VPS50: variants seen among roughly 807,000 people sequenced by gnomAD.
VPS50 encodes VPS50 subunit of EARP/GARPII complex.
In VPS50, 70 loss-of-function variants were observed where a neutral mutation model predicts 139.7. The observed-to-expected ratio is 0.50, with a 90% confidence interval of 0.41 to 0.61. The LOEUF (loss-of-function observed/expected upper bound fraction) is 0.61. Among genes scored for constraint, VPS50 ranks in the 20% least tolerant of loss-of-function variants. The pLI is 0.00. For missense variants in VPS50, 921 were observed against 1,133.7 expected (o/e 0.81, Z 2.69); for synonymous variants, 365 against 376.7 (o/e 0.97, Z 0.36).
At chr7:93,265,079 GC>G (rs1214939492) in intron 9 of VPS50, among the ~76,000 whole-genome samples, 2 of 152,140 alleles carry the variant, frequency 1.3e-5, no homozygotes, top group African/African-American at 4.8e-5. Flanking sequence ...TTTTCTTTCT[GC>G]CCCATTCACC....
intron 23 of VPS50, among the ~76,000 whole-genome samples, chr7:93,344,342 T>C (rs1297076863): frequency 4.6e-5 from 7 of 152,004 alleles, no homozygotes; most frequent in Non-Finnish European, 1.0e-4. Context: ...AAGTCCTGAG[T>C]GACCTACAAA....
At chr7:93,240,260 C>T (rs1012554915) in intron 2 of VPS50, among the ~76,000 whole-genome samples, 5 of 151,560 alleles carry the variant, frequency 3.3e-5, no homozygotes, top group African/African-American at 1.2e-4. Flanking sequence ...CTCTCTCTCT[C>T]TCTCTCTCTC....
chr7:93,270,950 A>T (rs1350166875), intron 9 of VPS50: 1 of 308,934 alleles, frequency 3.2e-6, no homozygotes, highest in African/African-American at 2.2e-5. Flanking sequence ...TTTATGTAAA[A>T]GTTACCAATT....
chr7:93,280,414 A>C (rs570042137), intron 12 of VPS50, among the ~76,000 whole-genome samples: 7 of 152,254 alleles, frequency 4.6e-5, no homozygotes, highest in Non-Finnish European at 1.0e-4. Context: ...ATGAAAATTC[A>C]TCATACTTCA....
In VPS50 at chr7:93,360,335, T is replaced by C. The variant is rs1233406072; in HGVS notation, c.*1899T>C. 6.6e-6 allele frequency: 1 copy of C among 152,008 alleles called. No homozygotes were observed. Among genetic ancestry groups the C allele is most frequent in the African/African-American group, 2.4e-5 (1 of 41,404 alleles). 9.4% of individuals were successfully genotyped at this position (152,008 alleles called of 1,614,324 possible). A position where few individuals can be genotyped will look rare whatever the true frequency, so the allele number is the denominator to read the frequency against. ...CGACCATGCAATCTGACAGACCTTT[T>C]AACCTACCCTTACTTTGCTTTCTCC... On this transcript the variant is annotated 3_prime_UTR_variant, in exon 28 of 28. Transcript: ENST00000305866.
chr7:93,260,123 A>T (rs970493038), intron 9 of VPS50, among the ~76,000 whole-genome samples: 1 of 152,208 alleles, frequency 6.6e-6, no homozygotes, highest in Non-Finnish European at 1.5e-5. Flanking sequence ...TTAAGTGATT[A>T]TGTATTCAAT....
chr7:93,239,089 G>C (rs1794903117), intron 1 of VPS50, among the ~76,000 whole-genome samples: 1 of 152,022 alleles, frequency 6.6e-6, no homozygotes, highest in Non-Finnish European at 1.5e-5. Flanking sequence ...CCAATATAGG[G>C]CACCTAAAGG....
chr7:93,259,199 T>C (rs1014769092), intron 8 of VPS50, among the ~76,000 whole-genome samples: 1 of 152,004 alleles, frequency 6.6e-6, no homozygotes, highest in Non-Finnish European at 1.5e-5. Flanking sequence ...TTTTGAAACA[T>C]TTTATGTAGG....
intron 12 of VPS50, among the ~76,000 whole-genome samples, chr7:93,287,730 G>A (rs1459952681): frequency 6.6e-6 from 1 of 152,072 alleles, no homozygotes; most frequent in African/African-American, 2.4e-5. Flanking sequence ...TTGTAGAGGA[G>A]TACCTTTATT....
chr7:93,275,599 G>C (rs1796130305), intron 11 of VPS50, among the ~76,000 whole-genome samples: 3 of 152,042 alleles, frequency 2.0e-5, no homozygotes, highest in Admixed American at 1.3e-4. Flanking sequence ...ACACACTTTA[G>C]ACTATAGAAC....
chr7:93,333,250 G>A (rs969513077), intron 21 of VPS50, among the ~76,000 whole-genome samples: 18 of 152,096 alleles, frequency 1.2e-4, no homozygotes, highest in Admixed American at 3.3e-4. Context: ...TCTCTGACAC[G>A]TGTAAATAAT....
chr7:93,239,779 G>T (rs1308388783), intron 1 of VPS50, 87 bp from the exon 2 acceptor site: 1 of 734,364 alleles, frequency 1.4e-6, no homozygotes, highest in Middle Eastern at 3.7e-4. Context: ...TTTTTAAAGT[G>T]GTCATTTCTG....
chr7:93,247,269 T>C (rs1795184131), intron 2 of VPS50, among the ~76,000 whole-genome samples: 1 of 151,970 alleles, frequency 6.6e-6, no homozygotes, highest in African/African-American at 2.4e-5. Context: ...TGTGTTAAGA[T>C]GTTTTACTTT....
At chr7:93,255,487 G>A (rs1478328931) in intron 4 of VPS50, among the ~76,000 whole-genome samples, 1 of 152,158 alleles carries the variant, frequency 6.6e-6, no homozygotes, top group Non-Finnish European at 1.5e-5. Flanking sequence ...CTCACTTCCT[G>A]CTGTGTAGCC....
At chr7:93,315,618 T>A (rs2117001326) in intron 20 of VPS50, among the ~76,000 whole-genome samples, 1 of 152,332 alleles carries the variant, frequency 6.6e-6, no homozygotes, top group Middle Eastern at 3.4e-3. Flanking sequence ...GTCTGATAGG[T>A]TAAACATGGC....
chr7:93,252,636 A>G lies in VPS50; in HGVS notation c.103-17A>G. The stretch of plus-strand genomic sequence containing the variant: ...AACAGCTACAATTACTATAATTGTG[A>G]TTTTTTTTTCTTAAAGGAAGAATTC... On this transcript the variant is annotated splice_polypyrimidine_tract_variant and intron_variant, in intron 2 of 27. Coordinates refer to ENST00000305866, the MANE Select transcript of VPS50 (RefSeq NM_017667.4). The G allele has an allele frequency of 1.3e-6, 2 of 1,535,924 alleles. No individual in the cohort carries two copies. The highest frequency in any genetic ancestry group is 2.8e-5 in the African/African-American group (2 of 72,176).
chr7:93,232,372 A>C lies in VPS50; in HGVS notation c.-96A>C. ...CCTGGGTCGGCTCCTCCACGTGACC[A>C]CCCACTATGGCTTCCTAGTGTCAGG... is the stretch of plus-strand genomic sequence containing the variant. On this transcript the variant is annotated 5_prime_UTR_variant, in exon 1 of 28. Coordinates refer to ENST00000305866, the MANE Select transcript of VPS50 (RefSeq NM_017667.4). The C allele has an allele frequency of 1.9e-6, 2 of 1,032,958 alleles. No individual in the cohort carries two copies. 64.0% of individuals were successfully genotyped at this position (1,032,958 alleles called of 1,614,324 possible).
chr7:93,342,270 G>T (rs1255894023), intron 23 of VPS50, among the ~76,000 whole-genome samples: 1 of 152,200 alleles, frequency 6.6e-6, no homozygotes, highest in South Asian at 2.1e-4. Context: ...CTTTTCCGAC[G>T]GGCTTAAAAA....
rs61745719 is a variant in VPS50 at position 93,358,327 on chromosome 7, C to T, written c.2786C>T (p.Thr929Met). ...RWIKEHREYS[T>M]KQLTNLVNVC... is the part of the protein sequence containing the mutation. ...TTCTTCTTTGAGCAGGAATATTCAA[C>T]GAAGCAGCTGACCAATCTGGTGAAT... is the stretch of plus-strand genomic sequence containing the variant. The change falls in exon 28 of 28, where the codon ACG (threonine) becomes ATG (methionine). Residue 929 changes from threonine to methionine, a missense_variant. Thr to Met is a moderately conservative substitution (Grantham distance 81, BLOSUM62 -1). Around this residue, in one of 3 missense-constraint regions of VPS50, gnomAD observed 158 missense variants for 156.3 expected, o/e 1.01. Coordinates refer to ENST00000305866, the MANE Select transcript of VPS50 (RefSeq NM_017667.4). 3,452 of 1,612,456 alleles carry T rather than the reference C, an allele frequency of 2.1e-3. 63 individuals are homozygous for T. In the African/African-American group the frequency reaches 0.038, roughly 18 times the overall value.
Sources: allele counts gnomAD v4.1 joint callset (sites outside exome capture counted in the v4.1 genomes callset), GRCh38; gene constraint gnomAD v4.1.1; regional missense constraint gnomAD v4.1.1; transcripts MANE v1.5; gene names NCBI Gene and HGNC (gene_info 2026-07-23, HGNC 2026-07-21).